The following RFX8 variants were observed in gnomAD, a reference collection of about 807,000 sequenced individuals.
The protein encoded by RFX8 is DNA-binding protein RFX8.
Under a neutral mutation model 54.6 loss-of-function variants are expected in RFX8, and 46 were observed. That is an observed-to-expected ratio of 0.84 (90% CI 0.67 to 1.08). The LOEUF is 1.08. Ranked by LOEUF, RFX8 falls within the 50% of genes least tolerant of loss-of-function variation. RFX8 has a pLI of 0.00. For missense variants in RFX8, 536 were observed against 562.3 expected (o/e 0.95, Z 0.47); for synonymous variants, 192 against 209.5 (o/e 0.92, Z 0.72).
intron 1 of RFX8, chr2:101,474,086 C>T: frequency 2.0e-6 from 1 of 503,974 alleles, no homozygotes; most frequent in Non-Finnish European, 3.5e-6. Context: ...GGCCTGGGGC[C>T]GCTCCTCACA....
intron 1 of RFX8, among the ~76,000 whole-genome samples, chr2:101,473,914 C>T (rs373575897): frequency 3.5e-4 from 53 of 152,306 alleles, no homozygotes; most frequent in African/African-American, 9.1e-4. Flanking sequence ...ACCAACGGGT[C>T]CCCGCGGGGC....
rs936467663 is a variant in RFX8 at position 101,412,856 on chromosome 2, T to C, written c.718+59A>G. 5.4e-6 allele frequency: 8 copies of C among 1,480,378 alleles called. No homozygotes were observed. The African/African-American group carries it at 8.5e-5, about 16-fold the overall frequency. The allele number at this position is 1,480,378 out of a possible 1,614,324, so 91.7% of individuals were successfully genotyped here. ...GAAATTCATGAGTTAACGATGGCCA[T>C]GCTAGCCCCAAATCTATGCCCAACA... On this transcript the variant is annotated intron_variant, in intron 8 of 11. Transcript: ENST00000428343.
intron 2 of RFX8, among the ~76,000 whole-genome samples, chr2:101,448,449 G>C (rs1236708257): frequency 6.6e-6 from 1 of 152,054 alleles, no homozygotes; most frequent in Non-Finnish European, 1.5e-5. Context: ...CTCCTTCTCC[G>C]ACACCACCTG....
At chr2:101,420,365 A>G (rs1686794585) in intron 4 of RFX8, among the ~76,000 whole-genome samples, 1 of 152,006 alleles carries the variant, frequency 6.6e-6, no homozygotes, top group African/African-American at 2.4e-5. Context: ...AGCATGGTAA[A>G]AACCCCGTCT....
At chr2:101,470,865 G>A (rs1689944769) in intron 1 of RFX8, among the ~76,000 whole-genome samples, 1 of 150,632 alleles carries the variant, frequency 6.6e-6, no homozygotes, top group Non-Finnish European at 1.5e-5. Context: ...GACTACAGGC[G>A]CCTGCCACCT....
chr2:101,441,999 T>A (rs7571594), intron 2 of RFX8, among the ~76,000 whole-genome samples: 114,632 of 151,600 alleles, frequency 0.76, 44,285 homozygotes, highest in Middle Eastern at 0.88. Context: ...TTTTCTTGCC[T>A]TTCTGAGGAT....
At chr2:101,421,351 T>C in intron 4 of RFX8, 1 of 996,798 alleles carries the variant, frequency 1.0e-6, no homozygotes, top group East Asian at 1.0e-4. Flanking sequence ...TCCTGCTCCA[T>C]CTTCAGTTAG....
intron 2 of RFX8, among the ~76,000 whole-genome samples, chr2:101,463,431 T>C (rs1325023104): frequency 6.6e-6 from 1 of 152,030 alleles, no homozygotes; most frequent in Non-Finnish European, 1.5e-5. Context: ...GTGGAAGAGA[T>C]GGGTGCAGCT....
intron 2 of RFX8, among the ~76,000 whole-genome samples, chr2:101,425,828 G>A (rs1687141227): frequency 6.6e-6 from 1 of 152,194 alleles, no homozygotes; most frequent in South Asian, 2.1e-4. Context: ...GGACCCTGCA[G>A]GAGATTCGCT....
intron 10 of RFX8, among the ~76,000 whole-genome samples, chr2:101,405,478 A>G (rs1448446312): frequency 1.3e-5 from 2 of 152,128 alleles, no homozygotes; most frequent in Admixed American, 6.6e-5. Context: ...CAATTGCATC[A>G]AAGATGTGAC....
At chr2:101,427,317 A>C (rs975761245) in intron 2 of RFX8, among the ~76,000 whole-genome samples, 4 of 152,176 alleles carry the variant, frequency 2.6e-5, no homozygotes, top group Non-Finnish European at 4.4e-5. Context: ...AAGTGGCCTC[A>C]TGTCATCACA....
rs535174316 is a variant in RFX8 at position 101,427,831 on chromosome 2, CTTTG to C, written c.73-5363_73-5360del. Among the ~76,000 whole-genome samples the C allele has an allele frequency of 1.1e-4, 17 of 152,334 alleles. No individual in the cohort carries two copies. The East Asian group carries it at 2.9e-3, about 26-fold the overall frequency. ...ACTGTGTCCTACTTAAGTAGAGGGA[CTTTG>C]TTTGTTTTTAGCGGTTCTTTCACAA... On this transcript the variant is annotated intron_variant, in intron 2 of 11. Transcript: ENST00000428343.
At chr2:101,469,081 T>TATATATATATATAA (rs1558896774) in intron 1 of RFX8, among the ~76,000 whole-genome samples, 8 of 10,676 alleles carry the variant, frequency 7.5e-4, no homozygotes, top group African/African-American at 3.6e-3. Context: ...TATATATAAG[T>TATATATATATATAA]GTATATATAT....
chr2:101,436,029 T>C (rs1157223802), intron 2 of RFX8, among the ~76,000 whole-genome samples: 1 of 152,036 alleles, frequency 6.6e-6, no homozygotes, highest in South Asian at 2.1e-4. Context: ...AGCGCCCTGG[T>C]TCCCGGCTCT....
At chr2:101,442,620 T>C (rs778335704) in intron 2 of RFX8, among the ~76,000 whole-genome samples, 8 of 152,316 alleles carry the variant, frequency 5.3e-5, no homozygotes, top group African/African-American at 9.6e-5. Flanking sequence ...ATCACTGTTA[T>C]AGGTAATGTG....
At chr2:101,458,298 C>T (rs961272865) in intron 2 of RFX8, among the ~76,000 whole-genome samples, 2 of 152,210 alleles carry the variant, frequency 1.3e-5, no homozygotes, top group African/African-American at 2.4e-5. Context: ...GCAGTTTCTA[C>T]ATGGCATTGA....
intron 8 of RFX8, among the ~76,000 whole-genome samples, chr2:101,412,069 A>G (rs2104549599): frequency 6.6e-6 from 1 of 152,296 alleles, no homozygotes; most frequent in Middle Eastern, 3.4e-3. Context: ...AGCTGAGAGT[A>G]CTACCAAGGA....
intron 10 of RFX8, among the ~76,000 whole-genome samples, chr2:101,403,038 G>A (rs983864910): frequency 8.5e-5 from 13 of 152,166 alleles, no homozygotes; most frequent in African/African-American, 2.7e-4. Flanking sequence ...AACCCTACAG[G>A]GAACTGGGTG....
chr2:101,466,215 A>G (rs1260790583), intron 2 of RFX8, among the ~76,000 whole-genome samples: 1 of 151,730 alleles, frequency 6.6e-6, no homozygotes, highest in African/African-American at 2.4e-5. Context: ...TGCAAGAGGC[A>G]GGAGGCTCAT....
Sources: allele counts gnomAD v4.1 joint callset (sites outside exome capture counted in the v4.1 genomes callset), GRCh38; gene constraint gnomAD v4.1.1; transcripts MANE v1.5; gene names NCBI Gene and HGNC (gene_info 2026-07-23, HGNC 2026-07-21).